The following ESRP1 variants were observed in gnomAD, a reference collection of about 807,000 sequenced individuals.
ESRP1 encodes the protein RNA-binding motif protein 35A.
A neutral mutation model predicts 81.7 loss-of-function variants in ESRP1; 33 were observed. The observed-to-expected ratio is 0.40, with a 90% CI of 0.31 to 0.54. The LOEUF is 0.54. Among genes scored for constraint, ESRP1 ranks in the 20% least tolerant of loss-of-function variants. The pLI is 0.41. For missense variants in ESRP1, 672 were observed against 833.1 expected (o/e 0.81, Z 2.38); for synonymous variants, 320 against 303.3 (o/e 1.06, Z -0.57).
intron 6 of ESRP1, among the ~76,000 whole-genome samples, chr8:94,662,903 G>T (rs988552580): frequency 6.6e-6 from 1 of 152,122 alleles, no homozygotes; most frequent in Non-Finnish European, 1.5e-5. Flanking sequence ...CACCTCGCCC[G>T]GCCTTTAACT....
chr8:94,693,424 G>A (rs145264374), intron 14 of ESRP1, among the ~76,000 whole-genome samples: 46 of 152,274 alleles, frequency 3.0e-4, no homozygotes, highest in African/African-American at 1.1e-3. Context: ...TCCATCAGCT[G>A]TTTTCTCACA....
chr8:94,660,231 T>C (rs1164778376), intron 4 of ESRP1, among the ~76,000 whole-genome samples: 2 of 152,330 alleles, frequency 1.3e-5, no homozygotes, highest in East Asian at 1.9e-4. Context: ...TCTCTTGTTA[T>C]AGGCTAATGT....
intron 4 of ESRP1, among the ~76,000 whole-genome samples, chr8:94,647,785 G>A (rs1292787145): frequency 6.6e-6 from 1 of 152,078 alleles, no homozygotes; most frequent in East Asian, 1.9e-4. Context: ...GAGAACCAGA[G>A]TACCTACTGA....
chr8:94,653,378 C>T (rs896383775), intron 4 of ESRP1, among the ~76,000 whole-genome samples: 2 of 151,986 alleles, frequency 1.3e-5, no homozygotes, highest in African/African-American at 4.8e-5. Flanking sequence ...CCTCAGATTC[C>T]CCATCTTAAA....
At chr8:94,680,143 A>T (rs1201543854) in intron 13 of ESRP1, among the ~76,000 whole-genome samples, 3 of 152,078 alleles carry the variant, frequency 2.0e-5, no homozygotes, top group Non-Finnish European at 4.4e-5. Context: ...CAGCGTCCCA[A>T]AGTGCTGGGG....
intron 13 of ESRP1, among the ~76,000 whole-genome samples, chr8:94,681,674 C>A (rs1265429249): frequency 6.6e-6 from 1 of 151,684 alleles, no homozygotes; most frequent in African/African-American, 2.4e-5. Context: ...TGTGGTGGCT[C>A]ACCCCTGTAA....
chr8:94,685,376 T>C (rs1809096148), intron 13 of ESRP1, among the ~76,000 whole-genome samples: 1 of 152,176 alleles, frequency 6.6e-6, no homozygotes, highest in African/African-American at 2.4e-5. Context: ...AATTTGTGGA[T>C]AGTCCAATAA....
chr8:94,672,036 G>A (rs1361021732), intron 11 of ESRP1, among the ~76,000 whole-genome samples: 3 of 152,024 alleles, frequency 2.0e-5, no homozygotes, highest in African/African-American at 7.3e-5. Context: ...CGTCAAGTAG[G>A]CATGACATAT....
Position 94,664,141 on chromosome 8 carries a change from T to TTTTTTTTTG in ESRP1, c.645-556_645-555insTTTTTTTTG, listed in dbSNP as rs138058879. Among the ~76,000 whole-genome samples, 8 of 124,590 alleles carry TTTTTTTTTG rather than the reference T, an allele frequency of 6.4e-5. 1 individual carries two copies. The highest frequency in any genetic ancestry group is 7.0e-5 in the Non-Finnish European group (4 of 56,770). 81.7% of individuals were successfully genotyped at this position (124,590 alleles called of 152,430 possible). A position where few individuals can be genotyped will look rare whatever the true frequency, so the allele number is the denominator to read the frequency against. On this transcript the variant is annotated intron_variant, in intron 6 of 15. Transcript: ENST00000433389. ...TCAGCTTTTTTTTTTTTTTTTTTTT[T>TTTTTTTTTG]GAGAGGGAGTCTTGCTCTATTGCCC...
chr8:94,675,777 C>T (rs1268289282), intron 12 of ESRP1, among the ~76,000 whole-genome samples: 6 of 152,146 alleles, frequency 3.9e-5, no homozygotes, highest in Admixed American at 3.9e-4. Flanking sequence ...GATTTTTCCT[C>T]TGAAGACTTT....
chr8:94,661,134 G>A (rs1467454187), intron 4 of ESRP1, among the ~76,000 whole-genome samples: 2 of 152,092 alleles, frequency 1.3e-5, no homozygotes, highest in Admixed American at 6.6e-5. Flanking sequence ...TCCACCTCCC[G>A]GGTTCAAGCG....
At position 94,707,358 on chromosome 8, in the gene ESRP1, C is replaced by T. The variant is rs896380732; in HGVS notation, c.*1469C>T. ...ACTTGATGCCTTAAGATGCCCAAAG[C>T]TGCCCAAAGCTCTGAAAGACTTTAA... On this transcript the variant is annotated 3_prime_UTR_variant, in exon 16 of 16. Coordinates refer to ENST00000433389, the MANE Select transcript of ESRP1 (RefSeq NM_017697.4). 2 of 152,094 alleles carry T rather than the reference C, an allele frequency of 1.3e-5. No homozygotes were observed. Among genetic ancestry groups the T allele is most frequent in the Admixed American group, 6.5e-5 (1 of 15,268 alleles). The allele number at this position is 152,094 out of a possible 1,614,324, so 9.4% of individuals were successfully genotyped here.
chr8:94,672,461 G>A (rs1447751336), intron 11 of ESRP1, among the ~76,000 whole-genome samples: 1 of 151,936 alleles, frequency 6.6e-6, no homozygotes, highest in Non-Finnish European at 1.5e-5. Flanking sequence ...AAATTTAACA[G>A]TATTTTGTGC....
At chr8:94,665,918 T>C (rs996183232) in intron 9 of ESRP1, among the ~76,000 whole-genome samples, 19 of 152,174 alleles carry the variant, frequency 1.2e-4, no homozygotes, top group African/African-American at 3.9e-4. Flanking sequence ...ACCAGAAACA[T>C]GGTAGTTTTG....
At chr8:94,679,680 T>A (rs1808795935) in intron 13 of ESRP1, among the ~76,000 whole-genome samples, 1 of 152,136 alleles carries the variant, frequency 6.6e-6, no homozygotes, top group African/African-American at 2.4e-5. Flanking sequence ...CCAGTAGTTT[T>A]AAAATTTGTA....
chr8:94,644,505 A>G (rs1377141702), intron 3 of ESRP1, among the ~76,000 whole-genome samples: 1 of 152,188 alleles, frequency 6.6e-6, no homozygotes, highest in African/African-American at 2.4e-5. Flanking sequence ...TTATTTGACA[A>G]AAGGGGAAGA....
At chr8:94,688,062 A>T (rs1406074240) in intron 13 of ESRP1, among the ~76,000 whole-genome samples, 3 of 152,082 alleles carry the variant, frequency 2.0e-5, no homozygotes, top group South Asian at 2.1e-4. Flanking sequence ...GTATGGTGTG[A>T]GGTAGGGGTC....
chr8:94,647,373 GTTGTA>G (rs1340082904), intron 4 of ESRP1, among the ~76,000 whole-genome samples: 2 of 152,202 alleles, frequency 1.3e-5, no homozygotes, highest in Admixed American at 1.3e-4. Context: ...TGGGTTGAAT[GTTGTA>G]TTAGACAGCT....
intron 4 of ESRP1, among the ~76,000 whole-genome samples, chr8:94,661,553 CCTT>C (rs1818747575): frequency 6.6e-6 from 1 of 152,132 alleles, no homozygotes; most frequent in South Asian, 2.1e-4. Flanking sequence ...GGAAATACAT[CCTT>C]ATTTTAGAGA....
Sources: gnomAD v4.1 joint callset for allele counts (sites outside exome capture counted in the v4.1 genomes callset) on GRCh38, gnomAD v4.1.1 for gene constraint, MANE v1.5 for transcripts, NCBI Gene and HGNC (gene_info 2026-07-23, HGNC 2026-07-21) for gene names.